SPRR2B: variants seen among roughly 807,000 people sequenced by gnomAD.
The protein encoded by SPRR2B is small proline-rich protein 2B.
SPRR2B carries 1 observed loss-of-function variant against 1.0 expected under a neutral mutation model. The ratio of observed to expected loss-of-function variants is 1.01; its 90% CI spans 0.36 to 4.77. The LOEUF (loss-of-function observed/expected upper bound fraction) is 4.77. Among genes scored for constraint, SPRR2B ranks in the 30% most tolerant of loss-of-function variants. The probability of loss-of-function intolerance (pLI) is 0.16; values close to 1 mark genes in which losing one functional copy is unlikely to be tolerated. For missense variants in SPRR2B, 53 were observed against 88.7 expected (o/e 0.60, Z 1.62); for synonymous variants, 27 against 33.4 (o/e 0.81, Z 0.66).
At chr1:153,072,084 G>A (rs1654677865), upstream of SPRR2B, among the ~76,000 whole-genome samples, 1 of 152,124 alleles carries the variant, frequency 6.6e-6, no homozygotes, top group Non-Finnish European at 1.5e-5. Flanking sequence ...TCTCTGGAAT[G>A]GTAAACAGAG....
the SPRR2B span, among the ~76,000 whole-genome samples, chr1:153,077,716 A>G: frequency 2.0e-5 from 3 of 152,034 alleles, no homozygotes; most frequent in Non-Finnish European, 4.4e-5. Context: ...TCTGGGCTCA[A>G]GCTATTATCT....
At chr1:153,072,711 G>T (rs12097833), upstream of SPRR2B, among the ~76,000 whole-genome samples, 150 of 152,234 alleles carry the variant, frequency 9.9e-4, no homozygotes, top group Middle Eastern at 3.4e-3. Flanking sequence ...TTTTCCCAAA[G>T]CCCTCTAGCC....
the SPRR2B span, among the ~76,000 whole-genome samples, chr1:153,081,810 C>T: frequency 9.4e-6 from 1 of 106,598 alleles, no homozygotes; most frequent in African/African-American, 5.1e-5. Flanking sequence ...GTCAATTTTC[C>T]TTTTCTTTTC....
upstream of SPRR2B, among the ~76,000 whole-genome samples, chr1:153,073,836 A>G (rs891806200): frequency 3.3e-5 from 5 of 152,212 alleles, no homozygotes; most frequent in Admixed American, 2.0e-4. Flanking sequence ...CTTCTACTCC[A>G]TAATTTTCTA....
upstream of SPRR2B, among the ~76,000 whole-genome samples, chr1:153,071,858 G>C (rs992610504): frequency 2.0e-5 from 3 of 152,176 alleles, no homozygotes; most frequent in African/African-American, 7.2e-5. Flanking sequence ...TCTCTTTCTT[G>C]ATTGGGGGCA....
At chr1:153,078,661 G>C in the SPRR2B span, among the ~76,000 whole-genome samples, 1 of 152,106 alleles carries the variant, frequency 6.6e-6, no homozygotes, top group South Asian at 2.1e-4. Flanking sequence ...ATGGTTTCCA[G>C]CTTCATCCAT....
chr1:153,077,477 T>G, the SPRR2B span, among the ~76,000 whole-genome samples: 1 of 152,236 alleles, frequency 6.6e-6, no homozygotes, highest in Non-Finnish European at 1.5e-5. Context: ...ACTTCAATTT[T>G]TATTTTCTAC....
chr1:153,075,783 T>G (rs200936632), upstream of SPRR2B, among the ~76,000 whole-genome samples: 3 of 152,044 alleles, frequency 2.0e-5, no homozygotes, highest in Admixed American at 2.0e-4. Flanking sequence ...GTGCCAGAAG[T>G]TTTTAGGACA....
At chr1:153,074,399 A>G (rs766360191), upstream of SPRR2B, among the ~76,000 whole-genome samples, 162 of 152,362 alleles carry the variant, frequency 1.1e-3, no homozygotes, top group Admixed American at 1.6e-3. Flanking sequence ...AATATTCTTG[A>G]TAAGCTCAGA....
upstream of SPRR2B, among the ~76,000 whole-genome samples, chr1:153,072,613 T>C (rs1247784323): frequency 1.3e-5 from 2 of 152,204 alleles, no homozygotes; most frequent in African/African-American, 4.8e-5. Context: ...TGATCCTATA[T>C]GTTTGCTTTC....
At chr1:153,076,597 G>T (rs985529059), upstream of SPRR2B, among the ~76,000 whole-genome samples, 7 of 151,982 alleles carry the variant, frequency 4.6e-5, no homozygotes, top group African/African-American at 1.7e-4. Flanking sequence ...GTTTGAGAAA[G>T]GTTAAATAAA....
At chr1:153,074,332 T>C (rs1466722767), upstream of SPRR2B, among the ~76,000 whole-genome samples, 1 of 152,184 alleles carries the variant, frequency 6.6e-6, no homozygotes, top group Non-Finnish European at 1.5e-5. Flanking sequence ...AAAATAGTGC[T>C]GGCAAATAAA....
upstream of SPRR2B, among the ~76,000 whole-genome samples, chr1:153,073,045 C>T (rs781220598): frequency 2.4e-4 from 36 of 152,218 alleles, no homozygotes; most frequent in Non-Finnish European, 3.7e-4. Context: ...TCACCAGCTA[C>T]GCTCCAGATA....
chr1:153,081,581 G>C, the SPRR2B span, among the ~76,000 whole-genome samples: 2 of 152,104 alleles, frequency 1.3e-5, no homozygotes, highest in Admixed American at 1.3e-4. Flanking sequence ...AAGGATGCTG[G>C]AGAAAAACTA....
chr1:153,080,877 G>T, the SPRR2B span, among the ~76,000 whole-genome samples: 1 of 152,146 alleles, frequency 6.6e-6, no homozygotes, highest in Non-Finnish European at 1.5e-5. Flanking sequence ...TCCACTATCT[G>T]TGATCTACCA....
chr1:153,073,785 T>C (rs1181951361), upstream of SPRR2B, among the ~76,000 whole-genome samples: 2 of 152,140 alleles, frequency 1.3e-5, no homozygotes. Context: ...GTTAGCTTTA[T>C]CTTCTTTAAG....
chr1:153,082,396 A>G, the SPRR2B span, among the ~76,000 whole-genome samples: 781 of 152,308 alleles, frequency 5.1e-3, 3 homozygotes, highest in Non-Finnish European at 6.0e-3. Flanking sequence ...CTGCAGCAGG[A>G]TACTCCTTAC....
At chr1:153,073,085 A>T (rs1450955513), upstream of SPRR2B, among the ~76,000 whole-genome samples, 1 of 152,210 alleles carries the variant, frequency 6.6e-6, no homozygotes, top group Non-Finnish European at 1.5e-5. Context: ...ACCCAGCATC[A>T]CACCTCTCAG....
upstream of SPRR2B, among the ~76,000 whole-genome samples, chr1:153,073,176 A>G (rs1654706961): frequency 6.6e-6 from 1 of 152,204 alleles, no homozygotes; most frequent in Non-Finnish European, 1.5e-5. Context: ...ATGGCCAGAC[A>G]CTACAGAAAT....
Sources: allele counts gnomAD v4.1 joint callset (sites outside exome capture counted in the v4.1 genomes callset), GRCh38; gene constraint gnomAD v4.1.1; transcripts MANE v1.5; gene names NCBI Gene and HGNC (gene_info 2026-07-23, HGNC 2026-07-21).